Variants in PI4KA observed in about 807,000 individuals in gnomAD.
PI4KA encodes phosphatidylinositol 4-kinase alpha.
A neutral mutation model predicts 271.4 loss-of-function variants in PI4KA; 122 were observed. The observed-to-expected ratio is 0.45, with a 90% CI of 0.39 to 0.52. The LOEUF (loss-of-function observed/expected upper bound fraction) is 0.52. Among genes scored for constraint, PI4KA ranks in the 20% least tolerant of loss-of-function variants. The pLI is 0.00. For missense variants in PI4KA, 1,969 were observed against 2,769.1 expected, an observed-to-expected ratio of 0.71 and a Z score of 6.48; for synonymous variants, 1,041 against 1,078.8, an observed-to-expected ratio of 0.96 and a Z score of 0.69.
chr22:20,852,223 A>G (rs1927069687), intron 1 of PI4KA, among the ~76,000 whole-genome samples: 1 of 152,362 alleles, frequency 6.6e-6, no homozygotes, highest in Admixed American at 6.5e-5. Flanking sequence ...CTGGTGGGAA[A>G]GATTAGAGGC....
intron 39 of PI4KA, among the ~76,000 whole-genome samples, chr22:20,729,106 G>A (rs773791522): frequency 3.9e-5 from 6 of 152,220 alleles, no homozygotes; most frequent in Non-Finnish European, 8.8e-5. Context: ...ACCCCAGGCA[G>A]GCATCTGAAA....
rs545139536 is a variant in PI4KA at position 20,712,640 on chromosome 22, G to A, written c.5677-29C>T. The A allele has an allele frequency of 4.3e-5, 67 of 1,563,298 alleles. 2 individuals carry two copies. The East Asian group carries it at 7.1e-4, about 16-fold the overall frequency. ...GGAGGAAAGGCCAGTTCTGAGGCCC[G>A]CTGGGTGCGAGGTGCCCAGGGCTGC... On this transcript the variant is annotated intron_variant, in intron 49 of 54. Coordinates refer to ENST00000255882, the MANE Select transcript of PI4KA (RefSeq NM_058004.4).
intron 2 of PI4KA, among the ~76,000 whole-genome samples, chr22:20,837,668 AAAAAT>A (rs1925029001): frequency 6.6e-6 from 1 of 152,206 alleles, no homozygotes; most frequent in East Asian, 1.9e-4. Context: ...TAGTAATGAT[AAAAAT>A]AAATAAATAA....
At chr22:20,796,820 A>C (rs1026077093) in intron 17 of PI4KA, among the ~76,000 whole-genome samples, 11 of 152,196 alleles carry the variant, frequency 7.2e-5, no homozygotes, top group African/African-American at 2.7e-4. Context: ...ATGCTCAGCA[A>C]GTGTTCCAGG....
intron 36 of PI4KA, 90 bp downstream of exon 36, chr22:20,732,881 C>T (rs1601357937): frequency 5.3e-6 from 8 of 1,504,342 alleles, no homozygotes; most frequent in South Asian, 1.2e-5. Context: ...ACTGCTTTTC[C>T]GTCCCTACCT....
chr22:20,734,223 G>A (rs571583619), intron 33 of PI4KA, 29 bp from the exon 34 acceptor site: 1 of 1,521,978 alleles, frequency 6.6e-7, no homozygotes, highest in East Asian at 2.5e-5. Context: ...ACGCTGTGGT[G>A]GTGGGGCTGA....
chr22:20,743,341 A>C (rs1929682269), intron 30 of PI4KA, among the ~76,000 whole-genome samples: 1 of 152,026 alleles, frequency 6.6e-6, no homozygotes, highest in Non-Finnish European at 1.5e-5. Context: ...ACAGGGTTTC[A>C]CCATGTTGGC....
At position 20,726,514 on chromosome 22, in the gene PI4KA, T is replaced by C; in HGVS notation, c.4969A>G (p.Ile1657Val). 3 of 1,579,244 alleles carry C rather than the reference T, an allele frequency of 1.9e-6. No individual in the cohort carries two copies. Among genetic ancestry groups the C allele is most frequent in the Non-Finnish European group, 2.6e-6 (3 of 1,166,824 alleles). The change falls in exon 42 of 55, where the codon ATT becomes GTT. Residue 1657 changes from isoleucine (I) to valine (V), a missense_variant. By Grantham distance (29) the Ile-to-Val change is conservative. Transcript: ENST00000255882. ...TTGTCGTACCTGAGGGCCTGCACAA[T>C]CTGGGGGATGTAGAAGAGGATGGCG... ...PDAILFYIPQ[I>V]VQALRYDKMG... is the part of the protein sequence containing the mutation.
At chr22:20,750,641 G>A (rs1219210067) in intron 27 of PI4KA, among the ~76,000 whole-genome samples, 3 of 152,350 alleles carry the variant, frequency 2.0e-5, no homozygotes, top group East Asian at 1.9e-4. Context: ...GGATGGAAGG[G>A]CAGGCTCTGC....
At chr22:20,807,943 T>C (rs1347284565) in intron 9 of PI4KA, among the ~76,000 whole-genome samples, 8 of 151,792 alleles carry the variant, frequency 5.3e-5, no homozygotes, top group Non-Finnish European at 4.4e-5. Flanking sequence ...TGTAGCACTA[T>C]TCTTCTTCTG....
At chr22:20,730,135 G>A (rs1332681352) in intron 36 of PI4KA, 124 bp from the exon 37 acceptor site, 1 of 1,029,994 alleles carries the variant, frequency 9.7e-7, no homozygotes, top group Non-Finnish European at 1.4e-6. Context: ...CTGGAGTCCT[G>A]GAATCGACTG....
At chr22:20,762,135 C>T (rs889922056) in intron 22 of PI4KA, among the ~76,000 whole-genome samples, 4 of 152,136 alleles carry the variant, frequency 2.6e-5, no homozygotes, top group East Asian at 3.9e-4. Context: ...AAGGAAAAAG[C>T]GCATGCACTT....
intron 23 of PI4KA, among the ~76,000 whole-genome samples, chr22:20,760,292 A>G (rs1931832778): frequency 6.6e-6 from 1 of 152,216 alleles, no homozygotes; most frequent in Non-Finnish European, 1.5e-5. Context: ...AATTATTCTA[A>G]GCATTTAATT....
At position 20,824,425 on chromosome 22, in the gene PI4KA, TA is replaced by T. The variant is rs756519349; in HGVS notation, c.368-12del. 3 of 1,595,456 alleles carry T rather than the reference TA, an allele frequency of 1.9e-6. No homozygotes were observed. In the South Asian group the frequency reaches 3.3e-5, roughly 18 times the overall value. On this transcript the variant is annotated splice_polypyrimidine_tract_variant and intron_variant, in intron 3 of 54. Coordinates refer to ENST00000255882, the MANE Select transcript of PI4KA (RefSeq NM_058004.4). ...CAACCGGGAGGGCACCTGGAAGATGTAAAAACATAAATCAGATAACCAGGAA... is the reference window on the plus strand; with the variant it reads ...CAACCGGGAGGGCACCTGGAAGATGTAAAACATAAATCAGATAACCAGGAA...
intron 1 of PI4KA, among the ~76,000 whole-genome samples, chr22:20,852,790 A>G (rs1479581757): frequency 6.6e-6 from 1 of 152,192 alleles, no homozygotes; most frequent in South Asian, 2.1e-4. Context: ...ACTCTAAAGT[A>G]CAGACTGAAT....
At chr22:20,790,699 A>C (rs1414014362) in intron 19 of PI4KA, among the ~76,000 whole-genome samples, 38 of 139,384 alleles carry the variant, frequency 2.7e-4, no homozygotes, top group Non-Finnish European at 4.6e-4. Flanking sequence ...AAAAAAAACA[A>C]ACACACACAC....
At chr22:20,825,493 G>A (rs1923287797) in intron 3 of PI4KA, among the ~76,000 whole-genome samples, 2 of 152,178 alleles carry the variant, frequency 1.3e-5, no homozygotes, top group South Asian at 4.1e-4. Flanking sequence ...TACTTGGGAG[G>A]CTGAGGCACG....
At position 20,727,863 on chromosome 22, in the gene PI4KA, A is replaced by G; in HGVS notation, c.4684T>C (p.Phe1562Leu). ...TTCCCAATGGCTTCTGTGTTCTTAA[A>G]CCTACAGTGCACAGAGGGTATGGGT... is the stretch of plus-strand genomic sequence containing the variant. ...PYLAVQLPAR[F>L]KNTEAIGNEV... Residue 1562 changes from phenylalanine to leucine, a missense_variant and splice_region_variant, in exon 40 of 55, where the codon TTT becomes CTT. This residue lies in a region of PI4KA where 388 missense variants were observed against 521.5 expected (regional missense o/e 0.74). Transcript: ENST00000255882. 6.2e-7 allele frequency: 1 copy of G among 1,613,052 alleles called. No homozygotes were observed. The highest frequency in any genetic ancestry group is 2.2e-5 in the East Asian group (1 of 44,862).
chr22:20,712,588 G>A lies in PI4KA; in HGVS notation c.5700C>T (p.Pro1900=), dbSNP rs777486147. ...CCAGCTGGTCCCGGGAGGTGCAGTC[G>A]GGGATGCACTCGATCACCCCGCACT... ...APGCGVIECI[P]DCTSRDQLGR... is the part of the protein sequence containing the mutation. Residue 1900 remains proline (P), a synonymous_variant, in exon 50 of 55, where the codon CCC becomes CCT. Coordinates refer to ENST00000255882, the MANE Select transcript of PI4KA (RefSeq NM_058004.4). 13 of 1,586,538 alleles carry A rather than the reference G, an allele frequency of 8.2e-6. No individual in the cohort carries two copies. The highest frequency in any genetic ancestry group is 6.8e-5 in the South Asian group (6 of 88,202).
Sources: allele counts gnomAD v4.1 joint callset (sites outside exome capture counted in the v4.1 genomes callset), GRCh38; gene constraint gnomAD v4.1.1; regional missense constraint gnomAD v4.1.1; transcripts MANE v1.5; gene names NCBI Gene and HGNC (gene_info 2026-07-23, HGNC 2026-07-21).